The following RGS7 variants were observed in gnomAD, a reference collection of about 807,000 sequenced individuals.
RGS7 encodes the protein regulator of G protein signaling 7, also known as regulator of G-protein signaling 7.
A neutral mutation model predicts 81.1 loss-of-function variants in RGS7; 27 were observed. The ratio of observed to expected loss-of-function variants is 0.33; its 90% confidence interval spans 0.25 to 0.46. RGS7 has a LOEUF of 0.46. RGS7 is among the 20% of genes least tolerant of loss of function. The pLI is 1.00. For missense variants in RGS7, 396 were observed against 607.4 expected (o/e 0.65, Z 3.66); for synonymous variants, 208 against 207.7 (o/e 1.00, Z -0.01).
chr1:240,782,567 T>G (rs1439430812), intron 18 of RGS7, among the ~76,000 whole-genome samples: 3 of 151,986 alleles, frequency 2.0e-5, no homozygotes, highest in Non-Finnish European at 4.4e-5. Context: ...AGACCACAGG[T>G]GTGCACCACC....
downstream of RGS7, among the ~76,000 whole-genome samples, chr1:240,774,961 C>T (rs1216242600): frequency 6.6e-6 from 1 of 152,146 alleles, no homozygotes; most frequent in African/African-American, 2.4e-5. Context: ...GGAGGATTTA[C>T]GTAGTTTATA....
intron 3 of RGS7, among the ~76,000 whole-genome samples, chr1:241,093,376 TA>T (rs2064016864): frequency 6.6e-6 from 1 of 152,194 alleles, no homozygotes; most frequent in South Asian, 2.1e-4. Flanking sequence ...TCGTACAAGT[TA>T]GTTACACGTT....
chr1:240,976,576 A>G (rs1684093586), intron 4 of RGS7, among the ~76,000 whole-genome samples: 1 of 152,162 alleles, frequency 6.6e-6, no homozygotes, highest in African/African-American at 2.4e-5. Context: ...CCTTAAGAGA[A>G]AAGAAACAGA....
intron 2 of RGS7, among the ~76,000 whole-genome samples, chr1:241,139,746 G>A (rs1466230603): frequency 2.6e-5 from 4 of 152,096 alleles, no homozygotes; most frequent in Admixed American, 6.6e-5. Flanking sequence ...CCCTAACAAC[G>A]ACTGATGTTC....
At chr1:240,878,485 CTTTCTTT>C (rs1558400036) in intron 6 of RGS7, among the ~76,000 whole-genome samples, 6 of 90,382 alleles carry the variant, frequency 6.6e-5, no homozygotes, top group Admixed American at 1.1e-4. Flanking sequence ...TTTCTTTTTT[CTTTCTTT>C]TTTTTTTTTT....
intron 18 of RGS7, among the ~76,000 whole-genome samples, chr1:240,792,265 GTCT>G (rs1686132227): frequency 1.3e-5 from 2 of 152,252 alleles, no homozygotes; most frequent in South Asian, 4.1e-4. Context: ...GGTGCTACAA[GTCT>G]TCTTCTTCCT....
intron 3 of RGS7, among the ~76,000 whole-genome samples, chr1:241,033,975 A>G (rs1232470839): frequency 6.6e-6 from 1 of 152,224 alleles, no homozygotes; most frequent in African/African-American, 2.4e-5. Context: ...ATGAAGATAC[A>G]GTATACAGCA....
chr1:240,995,706 TTC>T (rs1687170579), intron 3 of RGS7, among the ~76,000 whole-genome samples: 1 of 93,706 alleles, frequency 1.1e-5, no homozygotes. Flanking sequence ...TTTGTGTCTT[TTC>T]TTTTTTTTTT....
At chr1:241,065,726 A>G (rs1210696280) in intron 3 of RGS7, among the ~76,000 whole-genome samples, 1 of 152,238 alleles carries the variant, frequency 6.6e-6, no homozygotes, top group Non-Finnish European at 1.5e-5. Context: ...TGGCCATCCA[A>G]TAAATTTATT....
intron 3 of RGS7, among the ~76,000 whole-genome samples, chr1:241,080,286 GAA>G (rs76494616): frequency 2.1e-5 from 3 of 140,162 alleles, no homozygotes; most frequent in Admixed American, 7.2e-5. Flanking sequence ...GTGAGGAATA[GAA>G]AAAAAAAAAG....
intron 4 of RGS7, among the ~76,000 whole-genome samples, chr1:240,976,973 TTATC>T (rs1193787966): frequency 6.6e-6 from 1 of 151,332 alleles, no homozygotes; most frequent in Non-Finnish European, 1.5e-5. Context: ...CATCTATCAT[TTATC>T]TATCATCTAT....
intron 3 of RGS7, among the ~76,000 whole-genome samples, chr1:241,031,309 T>C (rs1020217513): frequency 1.3e-5 from 2 of 152,200 alleles, no homozygotes; most frequent in African/African-American, 4.8e-5. Flanking sequence ...TATTATATAT[T>C]TTTATGGACC....
At chr1:241,253,484 T>C (rs1350153471) in intron 2 of RGS7, among the ~76,000 whole-genome samples, 2 of 152,182 alleles carry the variant, frequency 1.3e-5, no homozygotes, top group South Asian at 4.1e-4. Context: ...AGAATTTCAA[T>C]TCCATTTGAC....
chr1:240,941,881 G>A (rs568687205), intron 4 of RGS7, among the ~76,000 whole-genome samples: 4 of 150,768 alleles, frequency 2.7e-5, no homozygotes, highest in African/African-American at 9.8e-5. Flanking sequence ...CACACCAGAT[G>A]GCCCAGCAGC....
intron 17 of RGS7, among the ~76,000 whole-genome samples, chr1:240,800,928 A>T (rs1039721097): frequency 6.6e-6 from 1 of 152,158 alleles, no homozygotes; most frequent in Admixed American, 6.6e-5. Flanking sequence ...TTCCTGAAAA[A>T]TAAGGAATAA....
chr1:240,882,824 T>C (rs557673363), intron 6 of RGS7, among the ~76,000 whole-genome samples: 1 of 152,304 alleles, frequency 6.6e-6, no homozygotes, highest in East Asian at 1.9e-4. Flanking sequence ...TTACAGATTG[T>C]ATGTTACCCT....
chr1:240,993,828 A>G (rs1475839177), intron 3 of RGS7, among the ~76,000 whole-genome samples: 3 of 151,872 alleles, frequency 2.0e-5, no homozygotes, highest in Non-Finnish European at 4.4e-5. Context: ...TTTTGTTTTA[A>G]TTTTCCATTT....
intron 2 of RGS7, among the ~76,000 whole-genome samples, chr1:241,252,175 C>T (rs2076865312): frequency 1.3e-5 from 2 of 151,916 alleles, no homozygotes; most frequent in African/African-American, 4.8e-5. Flanking sequence ...TCCCAAGTAG[C>T]TGGGATTACA....
At chr1:240,933,019 G>A (rs1216573459) in intron 5 of RGS7, among the ~76,000 whole-genome samples, 8 of 148,588 alleles carry the variant, frequency 5.4e-5, no homozygotes, top group Admixed American at 2.0e-4. Context: ...GAGTAGCTGG[G>A]ACTACAGGCG....
Sources: gnomAD v4.1 joint callset for allele counts (sites outside exome capture counted in the v4.1 genomes callset) on GRCh38, gnomAD v4.1.1 for gene constraint, MANE v1.5 for transcripts, NCBI Gene and HGNC (gene_info 2026-07-23, HGNC 2026-07-21) for gene names.